The following HCN1 variants were observed in gnomAD, a reference collection of about 807,000 sequenced individuals.
HCN1 encodes potassium/sodium hyperpolarization-activated cyclic nucleotide-gated channel 1.
In HCN1, 13 loss-of-function variants were observed where a neutral mutation model predicts 78.9. The ratio of observed to expected loss-of-function variants is 0.16; its 90% CI spans 0.11 to 0.26. The LOEUF is 0.26. Among genes scored for constraint, HCN1 ranks in the 10% least tolerant of loss-of-function variants. The pLI is 1.00. For synonymous variants in HCN1, 552 were observed against 455.5 expected, an observed-to-expected ratio of 1.21 and a Z score of -2.70; for missense variants, 810 against 1,154.3, an observed-to-expected ratio of 0.70 and a Z score of 4.32.
chr5:45,554,047 C>A (rs1743424767), intron 2 of HCN1, among the ~76,000 whole-genome samples: 1 of 151,874 alleles, frequency 6.6e-6, no homozygotes, highest in Non-Finnish European at 1.5e-5. Flanking sequence ...AATTCCTGGC[C>A]TTTCCTCACT....
intron 6 of HCN1, among the ~76,000 whole-genome samples, chr5:45,302,923 C>G (rs1014177568): frequency 1.3e-5 from 2 of 151,958 alleles, no homozygotes; most frequent in African/African-American, 4.8e-5. Context: ...CTGAGGCCTC[C>G]CCAGCCATAT....
At chr5:45,556,654 T>C (rs1743475621) in intron 2 of HCN1, among the ~76,000 whole-genome samples, 1 of 151,922 alleles carries the variant, frequency 6.6e-6, no homozygotes, top group Admixed American at 6.6e-5. Context: ...TTTAGTCTCC[T>C]CACCCCAAGA....
intron 2 of HCN1, among the ~76,000 whole-genome samples, chr5:45,614,450 A>T (rs980632651): frequency 1.3e-5 from 2 of 152,160 alleles, no homozygotes; most frequent in Admixed American, 1.3e-4. Context: ...GCAGGTCATG[A>T]TATTCATTCA....
At chr5:45,285,459 A>G (rs1258536286) in intron 6 of HCN1, among the ~76,000 whole-genome samples, 5 of 151,994 alleles carry the variant, frequency 3.3e-5, no homozygotes, top group Non-Finnish European at 4.4e-5. Context: ...ATTCTTAGGT[A>G]TTTCTGAGGT....
intron 5 of HCN1, among the ~76,000 whole-genome samples, chr5:45,309,971 T>G (rs1205962173): frequency 6.6e-6 from 1 of 152,174 alleles, no homozygotes; most frequent in Non-Finnish European, 1.5e-5. Flanking sequence ...TCTGGTAGAA[T>G]TCAGCTGTGA....
chr5:45,471,088 A>T (rs1045957474), intron 2 of HCN1, among the ~76,000 whole-genome samples: 2 of 151,956 alleles, frequency 1.3e-5, no homozygotes, highest in Admixed American at 6.6e-5. Context: ...TTTCTCCCAG[A>T]TACTTAAAGA....
intron 5 of HCN1, among the ~76,000 whole-genome samples, chr5:45,333,172 A>G (rs533695038): frequency 6.6e-6 from 1 of 151,806 alleles, no homozygotes; most frequent in East Asian, 1.9e-4. Flanking sequence ...TCTTTTGGAT[A>G]TAAGTATTTT....
chr5:45,482,852 TGTA>T (rs1741682434), intron 2 of HCN1, among the ~76,000 whole-genome samples: 2 of 152,170 alleles, frequency 1.3e-5, no homozygotes, highest in Admixed American at 1.3e-4. Context: ...AGTGAGAACA[TGTA>T]GTATTTGTTT....
At chr5:45,440,613 C>T (rs1740651763) in intron 3 of HCN1, among the ~76,000 whole-genome samples, 2 of 152,256 alleles carry the variant, frequency 1.3e-5, no homozygotes, top group South Asian at 2.1e-4. Flanking sequence ...ACATCAAACT[C>T]CCTGTGCTGC....
intron 5 of HCN1, among the ~76,000 whole-genome samples, chr5:45,342,598 T>C (rs942200390): frequency 3.9e-5 from 6 of 152,066 alleles, no homozygotes; most frequent in Non-Finnish European, 8.8e-5. Flanking sequence ...AAAGCAAAAA[T>C]AGTTATACAT....
chr5:45,645,193 A>T lies in HCN1; in HGVS notation c.841T>A (p.Trp281Arg), dbSNP rs776842143. 6.2e-7 allele frequency: 1 copy of T among 1,610,322 alleles called. No homozygotes were observed. The highest frequency in any genetic ancestry group is 1.1e-5 in the South Asian group (1 of 90,876). The change falls in exon 2 of 8, where the codon TGG becomes AGG. Residue 281 changes from tryptophan to arginine, a missense_variant. Physicochemically the swap from Trp to Arg is moderately radical, Grantham distance 101 (BLOSUM62 -3). Transcript: ENST00000303230. Reference protein sequence around the residue: ...LSRLIRYIHQWEEIFHMTYDL... With the variant: ...LSRLIRYIHQREEIFHMTYDL... ...AAAAAGATGCATCTTACCTCTTCCC[A>T]TTGATGTATGTATCTAATTAACCTT...
chr5:45,435,277 G>A (rs1052481524), intron 3 of HCN1, among the ~76,000 whole-genome samples: 1 of 151,856 alleles, frequency 6.6e-6, no homozygotes, highest in African/African-American at 2.4e-5. Context: ...ATGTTATCAT[G>A]GTATTTTATT....
chr5:45,293,969 A>T (rs1168414110), intron 6 of HCN1, among the ~76,000 whole-genome samples: 3 of 151,866 alleles, frequency 2.0e-5, no homozygotes, highest in Non-Finnish European at 2.9e-5. Flanking sequence ...AAGAAAAATT[A>T]AAAAAAACTC....
intron 3 of HCN1, among the ~76,000 whole-genome samples, chr5:45,427,690 A>G (rs551745243): frequency 6.6e-6 from 1 of 152,142 alleles, no homozygotes; most frequent in Non-Finnish European, 1.5e-5. Flanking sequence ...AGATACATAT[A>G]TCAAATGTTT....
intron 2 of HCN1, among the ~76,000 whole-genome samples, chr5:45,522,446 A>G (rs771898639): frequency 6.6e-6 from 1 of 152,050 alleles, no homozygotes; most frequent in Non-Finnish European, 1.5e-5. Flanking sequence ...CCTCAGCATC[A>G]ATCTCAACAC....
intron 1 of HCN1, among the ~76,000 whole-genome samples, chr5:45,684,284 A>T (rs1307525097): frequency 6.6e-6 from 1 of 152,194 alleles, no homozygotes; most frequent in Non-Finnish European, 1.5e-5. Flanking sequence ...ATAATCAGTA[A>T]TTATAGCCAA....
At chr5:45,432,305 T>A (rs1468783608) in intron 3 of HCN1, among the ~76,000 whole-genome samples, 1 of 152,164 alleles carries the variant, frequency 6.6e-6, no homozygotes, top group African/African-American at 2.4e-5. Flanking sequence ...TTTGCTGAAG[T>A]TGTTTATCAG....
intron 6 of HCN1, among the ~76,000 whole-genome samples, chr5:45,268,626 G>A (rs1744904482): frequency 6.6e-6 from 1 of 152,142 alleles, no homozygotes; most frequent in African/African-American, 2.4e-5. Flanking sequence ...TACTAGAGAA[G>A]GACACGTGAA....
chr5:45,375,400 AT>A (rs1437176837), intron 4 of HCN1, among the ~76,000 whole-genome samples: 1 of 122,066 alleles, frequency 8.2e-6, no homozygotes, highest in Non-Finnish European at 1.6e-5. Flanking sequence ...TATGATACAT[AT>A]TATATATAAG....
Sources: allele counts gnomAD v4.1 joint callset (sites outside exome capture counted in the v4.1 genomes callset), GRCh38; gene constraint gnomAD v4.1.1; transcripts MANE v1.5; gene names NCBI Gene and HGNC (gene_info 2026-07-23, HGNC 2026-07-21).